The following PRRC2C variants were observed in gnomAD, a reference collection of about 807,000 sequenced individuals.
The protein encoded by PRRC2C is protein PRRC2C.
PRRC2C carries 72 observed loss-of-function variants against 317.2 expected under a neutral mutation model. The observed-to-expected ratio is 0.23, with a 90% CI of 0.19 to 0.28. The LOEUF is 0.28. PRRC2C is among the 10% of genes least tolerant of loss of function. The probability of loss-of-function intolerance (pLI) is 1.00; values close to 1 mark genes in which losing one functional copy is unlikely to be tolerated. For missense variants in PRRC2C, 3,074 were observed against 3,459.7 expected (o/e 0.89, Z 2.80); for synonymous variants, 1,296 against 1,205.9 (o/e 1.07, Z -1.55).
At chr1:171,525,032 T>G in intron 10 of PRRC2C, 67 bp downstream of exon 10, 3 of 1,257,836 alleles carry the variant, frequency 2.4e-6, no homozygotes, top group Non-Finnish European at 3.2e-6. Flanking sequence ...TGTGTAATAC[T>G]ATGGATAATT....
Position 171,592,052 on chromosome 1 carries a change from C to A in PRRC2C, c.*205C>A. On this transcript the variant is annotated 3_prime_UTR_variant, in exon 35 of 35. Transcript: ENST00000647382. Reference sequence around the variant, plus strand: ...ACGAGGCTTTGCAAGCTTGTACCTACTATATAACATGTGCTTGGTTGATGG... The same window carrying A: ...ACGAGGCTTTGCAAGCTTGTACCTAATATATAACATGTGCTTGGTTGATGG... 1.8e-6 allele frequency: 1 copy of A among 549,558 alleles called. No homozygotes were observed. Among genetic ancestry groups the A allele is most frequent in the Non-Finnish European group, 3.1e-6 (1 of 323,302 alleles). The allele number at this position is 549,558 out of a possible 1,614,324, so 34.0% of individuals were successfully genotyped here. A position where few individuals can be genotyped will look rare whatever the true frequency, so the allele number is the denominator to read the frequency against.
intron 18 of PRRC2C, among the ~76,000 whole-genome samples, chr1:171,555,409 G>A (rs1198642937): frequency 2.0e-5 from 3 of 152,124 alleles, no homozygotes; most frequent in African/African-American, 4.8e-5. Flanking sequence ...GGGTTTGAAC[G>A]TCCTCCTTTA....
At chr1:171,508,195 A>T (rs1670615466) in intron 1 of PRRC2C, among the ~76,000 whole-genome samples, 1 of 152,190 alleles carries the variant, frequency 6.6e-6, no homozygotes, top group Non-Finnish European at 1.5e-5. Context: ...TAGAAATGGT[A>T]AAAGTGGACA....
At position 171,571,437 on chromosome 1, in the gene PRRC2C, A is replaced by G. The variant is rs1382263585; in HGVS notation, c.6753+16A>G. ...CACCTTCAAGGTATGTACAACATCCATCTCTAAGAGTCCTTAATTGTTGCA... is the reference window on the plus strand; with the variant it reads ...CACCTTCAAGGTATGTACAACATCCGTCTCTAAGAGTCCTTAATTGTTGCA... On this transcript the variant is annotated intron_variant, in intron 24 of 34. Transcript: ENST00000647382. The G allele has an allele frequency of 6.5e-7, 1 of 1,539,812 alleles. No individual in the cohort carries two copies. Among genetic ancestry groups the G allele is most frequent in the Non-Finnish European group, 9.0e-7 (1 of 1,112,730 alleles).
chr1:171,560,104 G>T (rs1296123025), intron 19 of PRRC2C, among the ~76,000 whole-genome samples: 1 of 152,080 alleles, frequency 6.6e-6, no homozygotes, highest in Non-Finnish European at 1.5e-5. Context: ...GATGGATCTG[G>T]GCAAAGAAAT....
rs1572185961 is a variant in PRRC2C at position 171,591,461 on chromosome 1, T to C, written c.8437-126T>C. 5.2e-6 allele frequency: 6 copies of C among 1,163,556 alleles called. No homozygotes were observed. The East Asian group carries it at 1.2e-4, about 24-fold the overall frequency. The allele number at this position is 1,163,556 out of a possible 1,614,324, so 72.1% of individuals were successfully genotyped here. A position where few individuals can be genotyped will look rare whatever the true frequency, so the allele number is the denominator to read the frequency against. ...AAGCTCAAAGATCAATGAGGTACTT[T>C]TGGCTTTGGCCAAACCAGTGTGGGG... On this transcript the variant is annotated intron_variant, in intron 34 of 34. Coordinates refer to ENST00000647382, the MANE Select transcript of PRRC2C (RefSeq NM_001387844.1).
At chr1:171,562,490 AATG>A (rs1190942546) in intron 20 of PRRC2C, among the ~76,000 whole-genome samples, 1 of 152,204 alleles carries the variant, frequency 6.6e-6, no homozygotes, top group Non-Finnish European at 1.5e-5. Context: ...ACAATAATTG[AATG>A]ATGATAGCTT....
chr1:171,587,821 CTG>C (rs1286111700), intron 32 of PRRC2C, 70 bp downstream of exon 32: 2 of 980,592 alleles, frequency 2.0e-6, no homozygotes, highest in Non-Finnish European at 3.1e-6. Flanking sequence ...CTTATCAGTC[CTG>C]TGTGACATAA....
rs528654548 is a variant in PRRC2C at position 171,496,199 on chromosome 1, C to CTTTTTTT, written c.-58+10482_-58+10488dup. Among the ~76,000 whole-genome samples the CTTTTTTT allele has an allele frequency of 7.6e-3, 572 of 75,618 alleles. 50 individuals are homozygous for CTTTTTTT. The highest frequency in any genetic ancestry group is 0.018 in the African/African-American group (266 of 14,726). The allele number at this position is 75,618 out of a possible 152,430, so 49.6% of individuals were successfully genotyped here. A position where few individuals can be genotyped will look rare whatever the true frequency, so the allele number is the denominator to read the frequency against. ...ATTTTTAGAGCTTTGATTTTTGTGCCTTTTTTTTTTTTTTTTTTTTTTTTG... is the reference window on the plus strand; with the variant it reads ...ATTTTTAGAGCTTTGATTTTTGTGCCTTTTTTTTTTTTTTTTTTTTTTTTTTTTTTTG... On this transcript the variant is annotated intron_variant, in intron 1 of 34. Coordinates refer to ENST00000647382, the MANE Select transcript of PRRC2C (RefSeq NM_001387844.1).
intron 12 of PRRC2C, among the ~76,000 whole-genome samples, chr1:171,533,919 G>A (rs1220309428): frequency 2.0e-5 from 3 of 152,168 alleles, no homozygotes; most frequent in Non-Finnish European, 4.4e-5. Flanking sequence ...ACCGCGCCCA[G>A]CCTAAAGTTT....
intron 1 of PRRC2C, among the ~76,000 whole-genome samples, chr1:171,503,871 G>C (rs550132265): frequency 6.6e-6 from 1 of 152,270 alleles, no homozygotes; most frequent in African/African-American, 2.4e-5. Context: ...AGCAGACAAA[G>C]AGAGAGAACT....
chr1:171,497,276 A>G (rs1367754568), intron 1 of PRRC2C, among the ~76,000 whole-genome samples: 3 of 152,060 alleles, frequency 2.0e-5, no homozygotes, highest in African/African-American at 7.2e-5. Context: ...TTCAATCCTG[A>G]TTTTTTAAAT....
intron 10 of PRRC2C, among the ~76,000 whole-genome samples, chr1:171,525,674 C>T (rs181569096): frequency 5.9e-5 from 9 of 152,180 alleles, no homozygotes; most frequent in East Asian, 5.8e-4. Flanking sequence ...TGCTAAGTGG[C>T]GTAATCATAG....
At chr1:171,575,494 G>A (rs1214737829) in intron 25 of PRRC2C, among the ~76,000 whole-genome samples, 5 of 152,200 alleles carry the variant, frequency 3.3e-5, no homozygotes, top group Non-Finnish European at 7.3e-5. Flanking sequence ...GTATTTTCTG[G>A]TAAAGACTTA....
rs1358142879 is a variant in PRRC2C at position 171,588,489 on chromosome 1, C to T, written c.8183C>T (p.Thr2728Ile). Residue 2728 changes from threonine (T) to isoleucine (I), a missense_variant, in exon 33 of 35, where the codon ACA becomes ATA. Transcript: ENST00000647382. ...GTGAGAATGACACAACCATTTCCTA[C>T]ACAGTTTGCACCCCAGGTGGGCAGA... is the stretch of plus-strand genomic sequence containing the variant. ...ATVRMTQPFP[T>I]QFAPQILSQP... 6.2e-7 allele frequency: 1 copy of T among 1,613,812 alleles called. No homozygotes were observed. Among genetic ancestry groups the T allele is most frequent in the Admixed American group, 1.7e-5 (1 of 59,996 alleles).
At chr1:171,488,189 A>G (rs1161055437) in intron 1 of PRRC2C, among the ~76,000 whole-genome samples, 1 of 152,258 alleles carries the variant, frequency 6.6e-6, no homozygotes, top group African/African-American at 2.4e-5. Flanking sequence ...TGTAAATGAC[A>G]AGAATTGATC....
At chr1:171,509,961 C>G (rs1416609290) in intron 1 of PRRC2C, 1 of 149,110 alleles carries the variant, frequency 6.7e-6, no homozygotes, top group Non-Finnish European at 1.5e-5. Context: ...AAGTGATTCT[C>G]CTGCCTCAGC....
intron 6 of PRRC2C, among the ~76,000 whole-genome samples, chr1:171,519,946 A>G (rs1247146570): frequency 6.6e-6 from 1 of 152,150 alleles, no homozygotes; most frequent in Non-Finnish European, 1.5e-5. Context: ...TTCTAGACTA[A>G]CAGAGGGAGA....
rs1158252374 is a variant in PRRC2C, at chr1:171,568,276, T to C, written c.6588T>C (p.Ser2196=). The C allele has an allele frequency of 6.2e-7, 1 of 1,610,452 alleles. No individual in the cohort carries two copies. The highest frequency in any genetic ancestry group is 1.7e-5 in the Admixed American group (1 of 59,618). ...CTGTAACAGACTATACTACACCCTC[T>C]TCTTCTTTGCCTAACACCGTGGCTA... The part of the protein sequence containing the change: ...KESVTDYTTP[S]SSLPNTVATN... The change falls in exon 23 of 35, where the codon TCT becomes TCC. Residue 2196 remains serine, a synonymous_variant. Coordinates refer to ENST00000647382, the MANE Select transcript of PRRC2C (RefSeq NM_001387844.1).
Sources: allele counts gnomAD v4.1 joint callset (sites outside exome capture counted in the v4.1 genomes callset), GRCh38; gene constraint gnomAD v4.1.1; transcripts MANE v1.5; gene names NCBI Gene and HGNC (gene_info 2026-07-23, HGNC 2026-07-21).